CERS3: variants seen among roughly 807,000 people sequenced by gnomAD.
The protein encoded by CERS3 is ceramide synthase 3.
Under a neutral mutation model 50.3 loss-of-function variants are expected in CERS3, and 33 were observed. The observed-to-expected ratio is 0.66, with a 90% CI of 0.50 to 0.88. The LOEUF (loss-of-function observed/expected upper bound fraction) is 0.88. CERS3 is among the 40% of genes least tolerant of loss of function. CERS3 has a pLI of 0.00. For missense variants in CERS3, 470 were observed against 460.3 expected (o/e 1.02, Z -0.19); for synonymous variants, 176 against 155.2 (o/e 1.13, Z -0.99).
chr15:100,405,813 T>C (rs1269543453), intron 11 of CERS3, among the ~76,000 whole-genome samples: 1 of 152,206 alleles, frequency 6.6e-6, no homozygotes, highest in Non-Finnish European at 1.5e-5. Flanking sequence ...AAAATGTCCA[T>C]TTTCCTGATA....
At chr15:100,533,571 T>C (rs2036996841), upstream of CERS3, among the ~76,000 whole-genome samples, 1 of 147,472 alleles carries the variant, frequency 6.8e-6, no homozygotes, top group Non-Finnish European at 1.5e-5. Flanking sequence ...TCTTTTTTTT[T>C]TTTTTTTTTT....
At chr15:100,485,138 T>C (rs2035447790) in intron 4 of CERS3, among the ~76,000 whole-genome samples, 1 of 152,216 alleles carries the variant, frequency 6.6e-6, no homozygotes, top group African/African-American at 2.4e-5. Context: ...GGCTAGTGCA[T>C]TTTGTTATTT....
chr15:100,424,203 A>C (rs563852740), intron 11 of CERS3, among the ~76,000 whole-genome samples: 1 of 152,140 alleles, frequency 6.6e-6, no homozygotes, highest in East Asian at 1.9e-4. Flanking sequence ...GGCCTCCCAA[A>C]GTGCTGGGAT....
chr15:100,411,928 A>G (rs1031994402), intron 11 of CERS3, among the ~76,000 whole-genome samples: 1 of 152,302 alleles, frequency 6.6e-6, no homozygotes, highest in East Asian at 1.9e-4. Flanking sequence ...GGTCTATTCA[A>G]GTCCTTTGCC....
At chr15:100,445,415 G>A (rs1204243162) in intron 11 of CERS3, among the ~76,000 whole-genome samples, 5 of 152,092 alleles carry the variant, frequency 3.3e-5, no homozygotes, top group Non-Finnish European at 5.9e-5. Flanking sequence ...TAATTTTTGC[G>A]GGCAAGGCTA....
In CERS3 at chr15:100,473,006, A is replaced by G. The variant is rs1188810009; in HGVS notation, c.656T>C (p.Met219Thr). Residue 219 changes from methionine (M) to threonine (T), a missense_variant, in exon 9 of 12, where the codon ATG (methionine) becomes ACG (threonine). Transcript: ENST00000679737. ...IIHHLAAISL[M>T]SFSWCANYIR... Reference sequence around the variant, plus strand: ...ATAATTAGCACACCAAGAGAAGCTCATCAGACTAATAGCAGCCAGGTGGTG... The same window carrying G: ...ATAATTAGCACACCAAGAGAAGCTCGTCAGACTAATAGCAGCCAGGTGGTG... The G allele has an allele frequency of 6.2e-7, 1 of 1,609,558 alleles. No individual in the cohort carries two copies. Among genetic ancestry groups the G allele is most frequent in the Non-Finnish European group, 8.5e-7 (1 of 1,175,922 alleles).
intron 3 of CERS3, among the ~76,000 whole-genome samples, chr15:100,491,255 G>T (rs2035643559): frequency 6.6e-6 from 1 of 152,046 alleles, no homozygotes; most frequent in Non-Finnish European, 1.5e-5. Context: ...AAATAAATAG[G>T]AATTTTGTTA....
At chr15:100,415,518 C>A (rs1189769193) in intron 11 of CERS3, among the ~76,000 whole-genome samples, 1 of 152,126 alleles carries the variant, frequency 6.6e-6, no homozygotes, top group Non-Finnish European at 1.5e-5. Flanking sequence ...GCACTCTTCA[C>A]AATAGCAAAG....
chr15:100,443,166 C>T (rs1233133455), intron 11 of CERS3, among the ~76,000 whole-genome samples: 17 of 149,806 alleles, frequency 1.1e-4, no homozygotes, highest in East Asian at 2.0e-4. Flanking sequence ...CCTCTTGTAT[C>T]CCCCTACCTT....
In CERS3 at chr15:100,521,230, A is replaced by AT. The variant is rs534589256; in HGVS notation, c.-2+436dup. 4.3e-4 allele frequency among the ~76,000 whole-genome samples: 66 copies of AT among 152,246 alleles called. 1 individual carries two copies. The highest frequency in any genetic ancestry group is 3.1e-3 in the South Asian group (15 of 4,826). ...ATGACTCTTCCTCGTACAAATGATG[A>AT]TTTTTTATCATTTGGGGTCATATTT... On this transcript the variant is annotated intron_variant, in intron 2 of 11. Transcript: ENST00000679737.
intron 11 of CERS3, among the ~76,000 whole-genome samples, chr15:100,435,123 C>T (rs759324692): frequency 1.3e-5 from 2 of 152,214 alleles, no homozygotes; most frequent in Non-Finnish European, 2.9e-5. Context: ...TCATTTGCAA[C>T]TGCCTCCTTT....
intron 11 of CERS3, among the ~76,000 whole-genome samples, chr15:100,453,732 C>G (rs1414199808): frequency 6.6e-6 from 1 of 152,106 alleles, no homozygotes; most frequent in Non-Finnish European, 1.5e-5. Flanking sequence ...ATGGCACGAT[C>G]TTATACCCAG....
At chr15:100,435,617 A>G (rs2033364713) in intron 11 of CERS3, among the ~76,000 whole-genome samples, 1 of 152,250 alleles carries the variant, frequency 6.6e-6, no homozygotes, top group African/African-American at 2.4e-5. Context: ...GCCAGAATTG[A>G]CAAATGGGAT....
At chr15:100,409,604 G>T (rs2031320866) in intron 11 of CERS3, among the ~76,000 whole-genome samples, 1 of 152,144 alleles carries the variant, frequency 6.6e-6, no homozygotes, top group Admixed American at 6.5e-5. Context: ...GTCGAGCCTT[G>T]GTATTTTCTG....
intron 11 of CERS3, among the ~76,000 whole-genome samples, chr15:100,411,788 T>A (rs929523080): frequency 2.6e-4 from 40 of 152,328 alleles, no homozygotes; most frequent in African/African-American, 9.4e-4. Flanking sequence ...TCGGTTTTTT[T>A]AATAGTAACC....
chr15:100,473,548 C>A (rs892215277), intron 8 of CERS3, among the ~76,000 whole-genome samples: 3 of 152,186 alleles, frequency 2.0e-5, no homozygotes, highest in African/African-American at 7.2e-5. Flanking sequence ...CACATGAAAG[C>A]ATGCTCAATC....
Position 100,471,295 on chromosome 15 carries a change from A to G in CERS3, c.738+1629T>C, listed in dbSNP as rs551060992. Among the ~76,000 whole-genome samples, 3 of 152,232 alleles carry G rather than the reference A, an allele frequency of 2.0e-5. No homozygotes were observed. The East Asian group carries it at 5.8e-4, about 29-fold the overall frequency. On this transcript the variant is annotated intron_variant, in intron 9 of 11. Coordinates refer to ENST00000679737, the MANE Select transcript of CERS3 (RefSeq NM_001378789.1). ...TTCAGGTAATAATGAGCTAAACTTC[A>G]TCACATACCCCAATGGACAGATATG...
chr15:100,436,108 A>C (rs528270924), intron 11 of CERS3, among the ~76,000 whole-genome samples: 1 of 152,312 alleles, frequency 6.6e-6, no homozygotes, highest in African/African-American at 2.4e-5. Context: ...TTGACCCAGC[A>C]ATCCCATTAC....
chr15:100,481,325 G>GA (rs896347646), intron 5 of CERS3, among the ~76,000 whole-genome samples: 19 of 152,030 alleles, frequency 1.2e-4, no homozygotes, highest in African/African-American at 4.6e-4. Flanking sequence ...TTTGATAGGA[G>GA]AAAAAAGTAG....
Sources: allele counts gnomAD v4.1 joint callset (sites outside exome capture counted in the v4.1 genomes callset), GRCh38; gene constraint gnomAD v4.1.1; transcripts MANE v1.5; gene names NCBI Gene and HGNC (gene_info 2026-07-23, HGNC 2026-07-21).